PLEKHA8: variants seen among roughly 807,000 people sequenced by gnomAD.
PLEKHA8 encodes the protein pleckstrin homology domain-containing family A member 8.
A neutral mutation model predicts 68.2 loss-of-function variants in PLEKHA8; 36 were observed. The observed-to-expected ratio is 0.53, with a 90% confidence interval of 0.40 to 0.70. The LOEUF is 0.70. Among genes scored for constraint, PLEKHA8 ranks in the 30% least tolerant of loss-of-function variants. PLEKHA8 has a pLI of 0.00. For synonymous variants in PLEKHA8, 211 were observed against 216.1 expected, an observed-to-expected ratio of 0.98 and a Z score of 0.20; for missense variants, 505 against 615.4, an observed-to-expected ratio of 0.82 and a Z score of 1.90.
chr7:30,087,280 A>G (rs6979239), downstream of PLEKHA8, among the ~76,000 whole-genome samples: 27,000 of 151,998 alleles, frequency 0.18, 2,519 homozygotes, highest in African/African-American at 0.24. Flanking sequence ...TACTGGGGGA[A>G]ATGTGATGAT....
chr7:30,090,286 A>C (rs1795362845), exon 13 of PLEKHA8: 2 of 1,333,684 alleles, frequency 1.5e-6, no homozygotes, highest in Non-Finnish European at 2.1e-6. Context: ...TCCTTTCCAC[A>C]AGATTCTGTG....
chr7:30,078,667 A>G lies in PLEKHA8; in HGVS notation c.1440A>G (p.Glu480=). Residue 480 remains glutamate (E), a synonymous_variant, in exon 14 of 14, where the codon GAA becomes GAG. Coordinates refer to ENST00000449726, the MANE Select transcript of PLEKHA8 (RefSeq NM_001197026.2). Reference sequence around the variant, plus strand: ...TAAAGGAAGGTGACCACCAGAAAGAAGCTTTCAGTATTGGGATGCAGAGGG... The same window carrying G: ...TAAAGGAAGGTGACCACCAGAAAGAGGCTTTCAGTATTGGGATGCAGAGGG... ...LTVKEGDHQK[E]AFSIGMQRDL... is the part of the protein sequence containing the mutation. 6.2e-7 allele frequency: 1 copy of G among 1,613,896 alleles called. No homozygotes were observed. The highest frequency in any genetic ancestry group is 2.2e-5 in the East Asian group (1 of 44,878).
chr7:30,034,034 TTTTTTTTTG>T (rs1790869524), intron 1 of PLEKHA8, among the ~76,000 whole-genome samples: 1 of 130,792 alleles, frequency 7.6e-6, no homozygotes, highest in African/African-American at 2.9e-5. Flanking sequence ...TTTTTTTTTT[TTTTTTTTTG>T]AGACAGAGTC....
At chr7:30,036,259 G>A (rs1274657241) in intron 1 of PLEKHA8, among the ~76,000 whole-genome samples, 3 of 151,686 alleles carry the variant, frequency 2.0e-5, no homozygotes, top group African/African-American at 4.8e-5. Flanking sequence ...GCAACAGAAC[G>A]AGACTCTGTT....
chr7:30,065,065 A>G (rs572585173), intron 12 of PLEKHA8, among the ~76,000 whole-genome samples: 1 of 152,192 alleles, frequency 6.6e-6, no homozygotes, highest in South Asian at 2.1e-4. Flanking sequence ...TTTCTCCTCA[A>G]GGTTTCTCAT....
rs537900098 is a variant in PLEKHA8 at position 30,048,640 on chromosome 7, A to G, written c.439-584A>G. Among the ~76,000 whole-genome samples the G allele has an allele frequency of 2.6e-5, 4 of 152,366 alleles. No homozygotes were observed. The South Asian group carries it at 8.3e-4, about 32-fold the overall frequency. The stretch of plus-strand genomic sequence containing the variant: ...ACCAGAGTCTCTGCTCTGCTTTCAA[A>G]GAAGTTTCGATCTGACAGTGCAACT... On this transcript the variant is annotated intron_variant, in intron 4 of 13. Transcript: ENST00000449726.
chr7:30,032,256 CAGAG>C (rs1790724312), intron 1 of PLEKHA8, among the ~76,000 whole-genome samples: 2 of 152,162 alleles, frequency 1.3e-5, no homozygotes, highest in African/African-American at 2.4e-5. Flanking sequence ...GTTCAGGAGT[CAGAG>C]AGACCTGAAG....
At chr7:30,054,640 TCAA>T (rs1733252891) in intron 7 of PLEKHA8, 66 bp from the exon 8 acceptor site, 1 of 1,060,908 alleles carries the variant, frequency 9.4e-7, no homozygotes, top group African/African-American at 1.7e-5. Flanking sequence ...TTAGAAATTT[TCAA>T]CAATCAATAT....
Position 30,078,804 on chromosome 7 carries a change from C to T in PLEKHA8, c.*17C>T. 6.2e-7 allele frequency: 1 copy of T among 1,609,580 alleles called. No individual in the cohort carries two copies. Among genetic ancestry groups the T allele is most frequent in the Non-Finnish European group, 8.5e-7 (1 of 1,177,680 alleles). ...GTGGTATGATGGCTGCTGGGCAGCA[C>T]CTCCTAACTTCAGGGAATAAGTGCT... On this transcript the variant is annotated 3_prime_UTR_variant, in exon 14 of 14. Transcript: ENST00000449726.
chr7:30,034,010 C>CTTTTTTTTT lies in PLEKHA8; in HGVS notation c.40+5232_40+5240dup, dbSNP rs56796780. ...TTCATTACAGAGTTGTAAGAGGTTT[C>CTTTTTTTTT]TTTTTTTTTTTTTTTTTTTTTTTTT... On this transcript the variant is annotated intron_variant, in intron 1 of 13. Transcript: ENST00000449726. Among the ~76,000 whole-genome samples, 3 of 34,630 alleles carry CTTTTTTTTT rather than the reference C, an allele frequency of 8.7e-5. 1 individual carries two copies. Among genetic ancestry groups the CTTTTTTTTT allele is most frequent in the African/African-American group, 3.8e-4 (3 of 7,868 alleles). 22.7% of individuals were successfully genotyped at this position (34,630 alleles called of 152,430 possible).
chr7:30,112,882 A>G (rs1002962399), intron 13 of PLEKHA8, among the ~76,000 whole-genome samples: 1 of 151,708 alleles, frequency 6.6e-6, no homozygotes, highest in African/African-American at 2.4e-5. Flanking sequence ...TTGGGGCAAC[A>G]GAATGAAACT....
chr7:30,090,016 C>T (rs1441039220), intron 12 of PLEKHA8: 6 of 780,930 alleles, frequency 7.7e-6, no homozygotes, highest in East Asian at 5.6e-5. Context: ...GTAGGAGTAT[C>T]GAGATATTCT....
chr7:30,064,936 CTGGGGTGGAACGGAACCCAGCTGCTTA>C (rs1366090909), intron 12 of PLEKHA8, among the ~76,000 whole-genome samples: 2 of 152,194 alleles, frequency 1.3e-5, no homozygotes, highest in African/African-American at 4.8e-5. Flanking sequence ...ACTGGAAGAG[CTGGGGTGGAACGGAACCCAGCTGCTTA>C]TGGGCTTTGA....
intron 13 of PLEKHA8, among the ~76,000 whole-genome samples, chr7:30,111,230 T>C (rs147157941): frequency 6.6e-6 from 1 of 152,302 alleles, no homozygotes; most frequent in African/African-American, 2.4e-5. Context: ...GAGTTCTTTA[T>C]ATATTCTGGA....
At chr7:30,092,813 G>A (rs747208999), downstream of PLEKHA8, among the ~76,000 whole-genome samples, 7 of 152,162 alleles carry the variant, frequency 4.6e-5, no homozygotes, top group Non-Finnish European at 8.8e-5. Context: ...TGGGAGAGAC[G>A]ATCCCTTTCC....
intron 13 of PLEKHA8, among the ~76,000 whole-genome samples, chr7:30,114,881 G>A (rs1583483394): frequency 6.6e-6 from 1 of 152,024 alleles, no homozygotes; most frequent in Non-Finnish European, 1.5e-5. Context: ...CCAAATTTGA[G>A]GTAGAAAAAG....
At chr7:30,039,559 G>T (rs1396866896) in intron 1 of PLEKHA8, among the ~76,000 whole-genome samples, 1 of 152,138 alleles carries the variant, frequency 6.6e-6, no homozygotes, top group Non-Finnish European at 1.5e-5. Context: ...TTCTTAAGTA[G>T]TTTATTCTTT....
Position 30,082,604 on chromosome 7 carries a change from A to T in PLEKHA8, c.*3817A>T. The T allele has an allele frequency of 2.0e-6, 2 of 985,174 alleles. No individual in the cohort carries two copies. Among genetic ancestry groups the T allele is most frequent in the South Asian group, 9.4e-5 (2 of 21,284 alleles). 61.0% of individuals were successfully genotyped at this position (985,174 alleles called of 1,614,324 possible). ...TCTCCTTTTGGTTATTACTTTCCAAATATATTAACAAAAAGTTGATGCTTT... is the reference window on the plus strand; with the variant it reads ...TCTCCTTTTGGTTATTACTTTCCAATTATATTAACAAAAAGTTGATGCTTT... On this transcript the variant is annotated 3_prime_UTR_variant, in exon 14 of 14. Coordinates refer to ENST00000449726, the MANE Select transcript of PLEKHA8 (RefSeq NM_001197026.2).
intron 1 of PLEKHA8, among the ~76,000 whole-genome samples, chr7:30,039,488 C>G (rs1216762781): frequency 1.3e-5 from 2 of 152,142 alleles, no homozygotes; most frequent in African/African-American, 2.4e-5. Context: ...GCACTCCAGC[C>G]TGGGCAACAA....
Sources: gnomAD v4.1 joint callset for allele counts (sites outside exome capture counted in the v4.1 genomes callset) on GRCh38, gnomAD v4.1.1 for gene constraint, MANE v1.5 for transcripts, NCBI Gene and HGNC (gene_info 2026-07-23, HGNC 2026-07-21) for gene names.